Variants in ZFAND3 observed in about 807,000 individuals in gnomAD.
ZFAND3 encodes the protein zinc finger AN1-type containing 3, also known as AN1-type zinc finger protein 3.
In ZFAND3, 10 loss-of-function variants were observed where a neutral mutation model predicts 29.6. The observed-to-expected ratio is 0.34, with a 90% CI of 0.21 to 0.57. The LOEUF (loss-of-function observed/expected upper bound fraction) is 0.57. Among genes scored for constraint, ZFAND3 ranks in the 20% least tolerant of loss-of-function variants. ZFAND3 has a pLI of 0.86. For missense variants in ZFAND3, 230 were observed against 304.5 expected, an observed-to-expected ratio of 0.76 and a Z score of 1.82; for synonymous variants, 128 against 112.6, an observed-to-expected ratio of 1.14 and a Z score of -0.87.
At chr6:37,986,509 C>T (rs1762673421) in intron 2 of ZFAND3, among the ~76,000 whole-genome samples, 3 of 152,118 alleles carry the variant, frequency 2.0e-5, no homozygotes, top group Non-Finnish European at 2.9e-5. Flanking sequence ...AAGAACTAAC[C>T]ACCAGTTTTC....
chr6:37,978,296 T>C (rs1468646777), intron 2 of ZFAND3, among the ~76,000 whole-genome samples: 1 of 152,248 alleles, frequency 6.6e-6, no homozygotes, highest in Non-Finnish European at 1.5e-5. Flanking sequence ...AATTTTGGGA[T>C]AAATTCCGTT....
chr6:37,900,326 G>A (rs1412326560), intron 1 of ZFAND3, among the ~76,000 whole-genome samples: 1 of 152,138 alleles, frequency 6.6e-6, no homozygotes, highest in Non-Finnish European at 1.5e-5. Flanking sequence ...GTACTCTTGA[G>A]AATTAGAAAT....
intron 5 of ZFAND3, among the ~76,000 whole-genome samples, chr6:38,123,469 T>C (rs1055620923): frequency 2.0e-5 from 3 of 152,236 alleles, no homozygotes; most frequent in African/African-American, 7.2e-5. Context: ...TAAAAAGCCT[T>C]ATTCTGTTCA....
chr6:37,917,236 T>C (rs1761276304), intron 1 of ZFAND3, among the ~76,000 whole-genome samples: 1 of 152,170 alleles, frequency 6.6e-6, no homozygotes, highest in Non-Finnish European at 1.5e-5. Flanking sequence ...CTGTATATCA[T>C]TGTGTGATCA....
intron 4 of ZFAND3, among the ~76,000 whole-genome samples, chr6:38,099,899 A>G (rs1218229044): frequency 1.3e-5 from 2 of 152,200 alleles, no homozygotes; most frequent in Non-Finnish European, 2.9e-5. Context: ...TTTAAAAGAA[A>G]GCTGTATGCA....
chr6:38,131,920 T>C lies in ZFAND3; in HGVS notation c.529+15181T>C, dbSNP rs550993148. The stretch of plus-strand genomic sequence containing the variant: ...CTGAGTGGGAATATTTCTGGGCCAG[T>C]AGCCATGTAAATTCTTGAGGTCCAG... On this transcript the variant is annotated intron_variant, in intron 5 of 5. Transcript: ENST00000287218. Among the ~76,000 whole-genome samples the C allele has an allele frequency of 2.0e-5, 3 of 152,332 alleles. No individual in the cohort carries two copies. In the South Asian group the frequency reaches 6.2e-4, roughly 32 times the overall value.
chr6:37,920,052 C>CTTTTTTTTTTTTTTTTTTTTT (rs11389241), intron 1 of ZFAND3, among the ~76,000 whole-genome samples: 1 of 93,408 alleles, frequency 1.1e-5, no homozygotes, highest in Non-Finnish European at 2.1e-5. Flanking sequence ...TTTTTTGAAG[C>CTTTTTTTTTTTTTTTTTTTTT]TTTTTTTTTT....
chr6:37,896,896 T>C (rs531306936), intron 1 of ZFAND3, among the ~76,000 whole-genome samples: 74 of 152,240 alleles, frequency 4.9e-4, no homozygotes, highest in African/African-American at 1.7e-3. Context: ...AAATTTTGGA[T>C]TTATTTTCTT....
At chr6:37,864,768 CACAT>C (rs763271678) in intron 1 of ZFAND3, among the ~76,000 whole-genome samples, 9,181 of 144,142 alleles carry the variant, frequency 0.064, 383 homozygotes, top group Non-Finnish European at 0.093. Context: ...CACACACACA[CACAT>C]GCACACATAC....
At chr6:37,939,249 C>A (rs368059316) in intron 2 of ZFAND3, among the ~76,000 whole-genome samples, 1 of 152,116 alleles carries the variant, frequency 6.6e-6, no homozygotes, top group Non-Finnish European at 1.5e-5. Context: ...CCTCTAGAAC[C>A]TTTGAGGGAG....
At chr6:37,893,831 G>A (rs1765148224) in intron 1 of ZFAND3, among the ~76,000 whole-genome samples, 1 of 150,646 alleles carries the variant, frequency 6.6e-6, no homozygotes, top group Non-Finnish European at 1.5e-5. Flanking sequence ...TGGGATTACA[G>A]GGGTGAGCCA....
chr6:37,983,699 C>T (rs969921872), intron 2 of ZFAND3, among the ~76,000 whole-genome samples: 3 of 152,044 alleles, frequency 2.0e-5, no homozygotes, highest in South Asian at 2.1e-4. Context: ...TTTACTCTGC[C>T]TTTTCTGTTT....
chr6:37,917,376 C>T (rs543347380), intron 1 of ZFAND3, among the ~76,000 whole-genome samples: 1 of 152,290 alleles, frequency 6.6e-6, no homozygotes, highest in South Asian at 2.1e-4. Flanking sequence ...CTTAACACTA[C>T]CCCTGTAGCA....
rs369982451 is a variant in ZFAND3, at chr6:38,102,635, G to C, written c.362-13937G>C. On this transcript the variant is annotated intron_variant, in intron 4 of 5. Transcript: ENST00000287218. ...ACAGTAGGAGGAAGTGCCCACAGTT[G>C]CAGGTACTATCCAGCTGCCCAAAAG... 7.9e-5 allele frequency among the ~76,000 whole-genome samples: 12 copies of C among 152,306 alleles called. No homozygotes were observed. In the South Asian group the frequency reaches 2.3e-3, roughly 29 times the overall value.
At chr6:37,868,448 A>G (rs1466190458) in intron 1 of ZFAND3, among the ~76,000 whole-genome samples, 1 of 152,112 alleles carries the variant, frequency 6.6e-6, no homozygotes, top group Non-Finnish European at 1.5e-5. Flanking sequence ...TGGGCAGAGG[A>G]CATGGCCATT....
At chr6:37,956,196 G>C (rs1044861709) in intron 2 of ZFAND3, among the ~76,000 whole-genome samples, 6 of 152,216 alleles carry the variant, frequency 3.9e-5, no homozygotes, top group African/African-American at 1.4e-4. Context: ...GAAGCTTACT[G>C]TGCTCAGGGC....
At chr6:37,826,582 C>T (rs969148837) in intron 1 of ZFAND3, among the ~76,000 whole-genome samples, 1 of 151,702 alleles carries the variant, frequency 6.6e-6, no homozygotes, top group African/African-American at 2.4e-5. Flanking sequence ...GGTGAAACTC[C>T]GTCTGTACCA....
At chr6:38,088,402 TGAAGGGTTG>T (rs1449063359) in intron 4 of ZFAND3, 1 of 152,136 alleles carries the variant, frequency 6.6e-6, no homozygotes, top group Non-Finnish European at 1.5e-5. Flanking sequence ...GGAAGGGTAC[TGAAGGGTTG>T]GGGAAAGAGG....
rs1417832714 is a variant in ZFAND3, at chr6:38,044,531, C to G, written c.113-17062C>G. 2.6e-5 allele frequency among the ~76,000 whole-genome samples: 4 copies of G among 152,116 alleles called. No homozygotes were observed. In the East Asian group the frequency reaches 7.7e-4, roughly 29 times the overall value. On this transcript the variant is annotated intron_variant, in intron 2 of 5. Transcript: ENST00000287218. ...GGCATCTTTAATGTCTCAGCAAGAC[C>G]TTTGCTGCAGAGATGGTAATTTTCC...
Sources: gnomAD v4.1 joint callset for allele counts (sites outside exome capture counted in the v4.1 genomes callset) on GRCh38, gnomAD v4.1.1 for gene constraint, MANE v1.5 for transcripts, NCBI Gene and HGNC (gene_info 2026-07-23, HGNC 2026-07-21) for gene names.